The following WDR37 variants were observed in gnomAD, a reference collection of about 807,000 sequenced individuals.
The protein encoded by WDR37 is WD repeat-containing protein 37.
A neutral mutation model predicts 62.9 loss-of-function variants in WDR37; 19 were observed. The observed-to-expected ratio is 0.30, with a 90% confidence interval of 0.21 to 0.44. The LOEUF (loss-of-function observed/expected upper bound fraction) is 0.44, where lower values mean the gene tolerates loss of function less well. WDR37 is among the 20% of genes least tolerant of loss of function. The pLI is 1.00. For synonymous variants in WDR37, 250 were observed against 260.9 expected (o/e 0.96, Z 0.40); for missense variants, 474 against 657.6 (o/e 0.72, Z 3.05).
At chr10:1,073,813 T>C (rs564388097) in intron 2 of WDR37, among the ~76,000 whole-genome samples, 29 of 152,326 alleles carry the variant, frequency 1.9e-4, no homozygotes, top group Non-Finnish European at 1.2e-4. Flanking sequence ...TCCTAGTCTC[T>C]TCTTACAAGG....
At chr10:1,061,958 T>G (rs138621865) in intron 1 of WDR37, among the ~76,000 whole-genome samples, 1 of 152,160 alleles carries the variant, frequency 6.6e-6, no homozygotes, top group African/African-American at 2.4e-5. Context: ...ATGCGGATAT[T>G]CCAAAATCTG....
chr10:1,069,215 G>C, intron 1 of WDR37, among the ~76,000 whole-genome samples: 1 of 151,774 alleles, frequency 6.6e-6, no homozygotes, highest in East Asian at 1.9e-4. Context: ...CGTATATCAA[G>C]ATTTTTTTTA....
intron 1 of WDR37, among the ~76,000 whole-genome samples, chr10:1,067,704 G>C (rs1833596588): frequency 6.6e-6 from 1 of 152,184 alleles, no homozygotes; most frequent in Admixed American, 6.5e-5. Context: ...ATCACAGTGA[G>C]ATATTACACA....
At chr10:1,057,349 C>T (rs528987976) in intron 1 of WDR37, among the ~76,000 whole-genome samples, 1 of 38,930 alleles carries the variant, frequency 2.6e-5, no homozygotes, top group South Asian at 7.7e-4. Context: ...GGGTTCGGCC[C>T]GGGGTCTCTC....
At chr10:1,075,784 C>CTTTTTTTTTT (rs11387795) in intron 2 of WDR37, among the ~76,000 whole-genome samples, 3 of 140,950 alleles carry the variant, frequency 2.1e-5, no homozygotes, top group African/African-American at 5.3e-5. Context: ...ATTGGAACTT[C>CTTTTTTTTTT]TTTTTTTTTT....
At chr10:1,127,795 C>T (rs1015672122) in intron 13 of WDR37, among the ~76,000 whole-genome samples, 11 of 151,956 alleles carry the variant, frequency 7.2e-5, no homozygotes, top group African/African-American at 2.4e-4. Flanking sequence ...GAGCACATCA[C>T]GTGCACTGGG....
At chr10:1,119,918 G>GT (rs1431879844) in intron 11 of WDR37, among the ~76,000 whole-genome samples, 1 of 152,214 alleles carries the variant, frequency 6.6e-6, no homozygotes, top group Non-Finnish European at 1.5e-5. Flanking sequence ...GACTACTGAG[G>GT]TAGAACTATG....
At chr10:1,069,187 C>T (rs756445404) in intron 1 of WDR37, among the ~76,000 whole-genome samples, 7 of 151,718 alleles carry the variant, frequency 4.6e-5, no homozygotes, top group African/African-American at 7.3e-5. Flanking sequence ...AAATAGGTGT[C>T]TTACATGGTG....
chr10:1,109,190 C>T (rs769794205), intron 11 of WDR37, among the ~76,000 whole-genome samples: 135 of 152,180 alleles, frequency 8.9e-4, no homozygotes, highest in Non-Finnish European at 1.6e-3. Context: ...CCAGAGCAGT[C>T]CCTCCTGGTG....
intron 11 of WDR37, chr10:1,123,820 A>G (rs977279482): frequency 5.6e-5 from 9 of 160,476 alleles, no homozygotes; most frequent in African/African-American, 2.2e-4. Flanking sequence ...ATTTCTTTTA[A>G]ATTCTCTGCT....
intron 3 of WDR37, among the ~76,000 whole-genome samples, chr10:1,079,381 A>G (rs1833962712): frequency 6.6e-6 from 1 of 150,624 alleles, no homozygotes; most frequent in African/African-American, 2.5e-5. Flanking sequence ...TACTGTGCCC[A>G]GCCCAGAATA....
At chr10:1,126,324 T>G (rs929870252) in intron 13 of WDR37, among the ~76,000 whole-genome samples, 6 of 142,942 alleles carry the variant, frequency 4.2e-5, no homozygotes, top group Admixed American at 2.7e-4. Flanking sequence ...GAGAATGGCG[T>G]GAACCCAGGA....
At chr10:1,096,379 A>G (rs1834577256) in intron 9 of WDR37, 133 bp downstream of exon 9, 2 of 954,222 alleles carry the variant, frequency 2.1e-6, no homozygotes, top group East Asian at 5.2e-5. Flanking sequence ...CACCCCCGGT[A>G]TGGTTGAATT....
intron 13 of WDR37, among the ~76,000 whole-genome samples, chr10:1,125,247 G>A (rs1209363168): frequency 6.7e-6 from 1 of 149,428 alleles, no homozygotes; most frequent in Non-Finnish European, 1.5e-5. Flanking sequence ...ACAGAGTTTT[G>A]CTCTTGTTGC....
At chr10:1,100,384 T>C (rs926694051) in intron 9 of WDR37, among the ~76,000 whole-genome samples, 1 of 152,234 alleles carries the variant, frequency 6.6e-6, no homozygotes. Context: ...GGGAGGCTCC[T>C]TCCAGCACTA....
In WDR37 at chr10:1,131,941, G is replaced by A. The variant is rs146254507; in HGVS notation, c.*2597G>A. On this transcript the variant is annotated 3_prime_UTR_variant, in exon 14 of 14. Transcript: ENST00000263150. ...TTTCAACCACTGCTCATCAGTTTCT[G>A]TAGAGACAAAAACTCTGTACATATT... 1.8e-4 allele frequency: 27 copies of A among 152,744 alleles called. No individual in the cohort carries two copies. Among genetic ancestry groups the A allele is most frequent in the African/African-American group, 6.5e-4 (27 of 41,572 alleles). The allele number at this position is 152,744 out of a possible 1,614,324, so 9.5% of individuals were successfully genotyped here.
intron 13 of WDR37, among the ~76,000 whole-genome samples, chr10:1,128,927 ATGGGG>A (rs1194846197): frequency 6.9e-6 from 1 of 145,984 alleles, no homozygotes. Flanking sequence ...TCTATGGTCC[ATGGGG>A]TGCTCGGTGG....
chr10:1,058,364 G>T (rs1330127451), intron 1 of WDR37, among the ~76,000 whole-genome samples: 2 of 152,228 alleles, frequency 1.3e-5, no homozygotes, highest in African/African-American at 4.8e-5. Flanking sequence ...TCTTGAGTGA[G>T]TGTGTTTCCC....
At chr10:1,061,311 C>T (rs547504655) in intron 1 of WDR37, among the ~76,000 whole-genome samples, 4 of 152,158 alleles carry the variant, frequency 2.6e-5, no homozygotes, top group Non-Finnish European at 5.9e-5. Flanking sequence ...TTTACAAACA[C>T]CTGCCACTTC....
Sources: gnomAD v4.1 joint callset for allele counts (sites outside exome capture counted in the v4.1 genomes callset) on GRCh38, gnomAD v4.1.1 for gene constraint, MANE v1.5 for transcripts, NCBI Gene and HGNC (gene_info 2026-07-23, HGNC 2026-07-21) for gene names.